The following PTPRC variants were observed in gnomAD, a reference collection of about 807,000 sequenced individuals.
PTPRC encodes protein tyrosine phosphatase receptor type C, also known as receptor-type tyrosine-protein phosphatase C.
PTPRC carries 44 observed loss-of-function variants against 155.9 expected under a neutral mutation model. That is an observed-to-expected ratio of 0.28 (90% CI 0.22 to 0.36). The LOEUF (loss-of-function observed/expected upper bound fraction) is 0.36, where lower values mean the gene tolerates loss of function less well. Among genes scored for constraint, PTPRC ranks in the 10% least tolerant of loss-of-function variants. The pLI is 1.00. For missense variants in PTPRC, 1,401 were observed against 1,564.6 expected (o/e 0.90, Z 1.76); for synonymous variants, 525 against 533.1 (o/e 0.98, Z 0.21).
At chr1:198,652,538 G>A (rs1379181330) in intron 2 of PTPRC, among the ~76,000 whole-genome samples, 1 of 150,192 alleles carries the variant, frequency 6.7e-6, no homozygotes, top group East Asian at 2.0e-4. Context: ...ATTTTCAGAT[G>A]TTAATCCAAT....
At chr1:198,754,168 CA>C in intron 31 of PTPRC, 100 bp from the exon 32 acceptor site, 1 of 1,377,030 alleles carries the variant, frequency 7.3e-7, no homozygotes. Flanking sequence ...TTATGATAAA[CA>C]TGAAGCAAAA....
At position 198,752,481 on chromosome 1, in the gene PTPRC, A is replaced by G. The variant is rs182703639; in HGVS notation, c.3330+110A>G. 64 of 1,521,702 alleles carry G rather than the reference A, an allele frequency of 4.2e-5. No individual in the cohort carries two copies. The African/African-American group carries it at 5.7e-4, about 14-fold the overall frequency. 94.3% of individuals were successfully genotyped at this position (1,521,702 alleles called of 1,614,324 possible). A position where few individuals can be genotyped will look rare whatever the true frequency, so the allele number is the denominator to read the frequency against. ...GCCATCATATAAATAATGTTTCAGAATAACATTTTAAAATTATTTAAATAG... is the reference window on the plus strand; with the variant it reads ...GCCATCATATAAATAATGTTTCAGAGTAACATTTTAAAATTATTTAAATAG... On this transcript the variant is annotated intron_variant, in intron 30 of 32. Coordinates refer to ENST00000442510, the MANE Select transcript of PTPRC (RefSeq NM_002838.5).
intron 2 of PTPRC, among the ~76,000 whole-genome samples, chr1:198,671,484 G>A (rs183279856): frequency 3.1e-4 from 47 of 152,154 alleles, no homozygotes; most frequent in African/African-American, 1.1e-3. Context: ...TTCCATTCTA[G>A]AACTTTGTCT....
At chr1:198,729,947 C>A (rs1423889444) in intron 17 of PTPRC, among the ~76,000 whole-genome samples, 1 of 152,048 alleles carries the variant, frequency 6.6e-6, no homozygotes, top group Admixed American at 6.6e-5. Context: ...TGGGATGTCT[C>A]CTCAAGTCCC....
chr1:198,687,399 A>T (rs1351318629), intron 2 of PTPRC, among the ~76,000 whole-genome samples: 1 of 152,206 alleles, frequency 6.6e-6, no homozygotes, highest in Non-Finnish European at 1.5e-5. Flanking sequence ...TGCAACAGAC[A>T]ATTGAAGTCA....
At chr1:198,699,862 G>A in intron 5 of PTPRC, 158 bp downstream of exon 5, 1 of 919,550 alleles carries the variant, frequency 1.1e-6, no homozygotes, top group South Asian at 1.4e-5. Flanking sequence ...TGAAACCACA[G>A]AACAAATGTC....
Position 198,702,442 on chromosome 1 carries a change from A to T in PTPRC, c.495A>T (p.Pro165=). ...ASTFPTDPVS[P]LTTTLSLAHH... ...CCTTTCCTACAGACCCAGTTTCCCC[A>T]TTGACAACCACCCTCAGCCTTGCAC... Residue 165 remains proline, a synonymous_variant, in exon 6 of 33, where the codon CCA becomes CCT. Transcript: ENST00000442510. 3.7e-6 allele frequency: 6 copies of T among 1,614,090 alleles called. No homozygotes were observed. Among genetic ancestry groups the T allele is most frequent in the Non-Finnish European group, 5.1e-6 (6 of 1,180,020 alleles).
At chr1:198,677,703 T>G (rs1468212771) in intron 2 of PTPRC, among the ~76,000 whole-genome samples, 1 of 152,170 alleles carries the variant, frequency 6.6e-6, no homozygotes, top group Non-Finnish European at 1.5e-5. Flanking sequence ...ATTCAAATTT[T>G]TCTCAGCTAC....
intron 23 of PTPRC, 131 bp downstream of exon 23, chr1:198,735,383 G>A: frequency 1.1e-6 from 1 of 873,064 alleles, no homozygotes; most frequent in Admixed American, 2.9e-5. Flanking sequence ...TGAAAGCTGT[G>A]GTTAGAACAA....
intron 2 of PTPRC, among the ~76,000 whole-genome samples, chr1:198,665,106 T>TTTTTTG (rs1664208369): frequency 8.5e-6 from 1 of 117,928 alleles, no homozygotes; most frequent in African/African-American, 3.2e-5. Flanking sequence ...TTTTTTTTTT[T>TTTTTTG]TGAGACGGAG....
intron 11 of PTPRC, among the ~76,000 whole-genome samples, chr1:198,710,311 T>C (rs569643963): frequency 2.0e-5 from 3 of 152,348 alleles, no homozygotes; most frequent in South Asian, 2.1e-4. Flanking sequence ...TTATATGTCA[T>C]ACTTACACTG....
chr1:198,661,904 C>T (rs1325491215), intron 2 of PTPRC, among the ~76,000 whole-genome samples: 1 of 152,120 alleles, frequency 6.6e-6, no homozygotes, highest in Non-Finnish European at 1.5e-5. Flanking sequence ...CACTACCTAC[C>T]TCCGGTTAGC....
chr1:198,732,249 A>C (rs775225096), intron 18 of PTPRC, 51 bp from the exon 19 acceptor site: 3 of 1,402,740 alleles, frequency 2.1e-6, no homozygotes, highest in Non-Finnish European at 3.0e-6. Flanking sequence ...GTAAGGGGGA[A>C]ATTATTTTTC....
chr1:198,725,777 T>G (rs1044472414), intron 15 of PTPRC, among the ~76,000 whole-genome samples: 1 of 152,208 alleles, frequency 6.6e-6, no homozygotes, highest in Non-Finnish European at 1.5e-5. Flanking sequence ...TTCTGACCCA[T>G]GATTCACATT....
Position 198,652,187 on chromosome 1 carries a change from C to G in PTPRC, c.73+12846C>G, listed in dbSNP as rs537069577. The stretch of plus-strand genomic sequence containing the variant: ...CTCAGTACAGGAGAAAGCTGTGCAG[C>G]TTTCTCTTCCTGTCGCTGCTTAATT... On this transcript the variant is annotated intron_variant, in intron 2 of 32. Transcript: ENST00000442510. Among the ~76,000 whole-genome samples the G allele has an allele frequency of 4.6e-5, 7 of 151,850 alleles. No individual in the cohort carries two copies. The East Asian group carries it at 1.2e-3, about 25-fold the overall frequency.
intron 2 of PTPRC, among the ~76,000 whole-genome samples, chr1:198,645,121 C>CA (rs1262412360): frequency 1.3e-5 from 2 of 151,720 alleles, no homozygotes; most frequent in Non-Finnish European, 2.9e-5. Flanking sequence ...ACTCAGGTAA[C>CA]ACACTCATAC....
chr1:198,670,887 A>G (rs528545236), intron 2 of PTPRC, among the ~76,000 whole-genome samples: 1 of 152,312 alleles, frequency 6.6e-6, no homozygotes, highest in African/African-American at 2.4e-5. Context: ...TCATAAAAAT[A>G]ATACAACTTA....
chr1:198,687,001 TTG>T (rs1665661869), intron 2 of PTPRC, among the ~76,000 whole-genome samples: 1 of 149,966 alleles, frequency 6.7e-6, no homozygotes, highest in African/African-American at 2.4e-5. Flanking sequence ...TCTTTTGTTG[TTG>T]TTGTTGTTGT....
chr1:198,742,050 A>AG, intron 24 of PTPRC, 24 bp downstream of exon 24: 1 of 1,609,812 alleles, frequency 6.2e-7, no homozygotes, highest in Non-Finnish European at 8.5e-7. Context: ...ACAAAAAAAA[A>AG]AAACAACAAC....
Sources: gnomAD v4.1 joint callset for allele counts (sites outside exome capture counted in the v4.1 genomes callset) on GRCh38, gnomAD v4.1.1 for gene constraint, MANE v1.5 for transcripts, NCBI Gene and HGNC (gene_info 2026-07-23, HGNC 2026-07-21) for gene names.